ATP13A4: variants seen among roughly 807,000 people sequenced by gnomAD.
ATP13A4 encodes probable cation-transporting ATPase 13A4.
Under a neutral mutation model 142.5 loss-of-function variants are expected in ATP13A4, and 114 were observed. The ratio of observed to expected loss-of-function variants is 0.80; its 90% CI spans 0.69 to 0.93. The LOEUF (loss-of-function observed/expected upper bound fraction) is 0.93, where lower values mean the gene tolerates loss of function less well. ATP13A4 is among the 40% of genes least tolerant of loss of function. The pLI, the probability that ATP13A4 is intolerant of heterozygous loss-of-function variation, is 0.00. For synonymous variants in ATP13A4, 488 were observed against 514.8 expected, an observed-to-expected ratio of 0.95 and a Z score of 0.70; for missense variants, 1,392 against 1,454.0, an observed-to-expected ratio of 0.96 and a Z score of 0.69.
chr3:193,540,758 T>A (rs996907218), intron 1 of ATP13A4, among the ~76,000 whole-genome samples: 2 of 151,322 alleles, frequency 1.3e-5, no homozygotes, highest in Non-Finnish European at 2.9e-5. Context: ...AGAAACAACA[T>A]AAAATCATGC....
At chr3:193,444,949 C>T (rs1208746361) in intron 18 of ATP13A4, among the ~76,000 whole-genome samples, 2 of 152,172 alleles carry the variant, frequency 1.3e-5, no homozygotes, top group Admixed American at 6.5e-5. Flanking sequence ...GCTTTTTGCC[C>T]TCTACCACCT....
chr3:193,423,792 C>A lies in ATP13A4; in HGVS notation c.2843-9042G>T, dbSNP rs868032401. On this transcript the variant is annotated intron_variant, in intron 25 of 29. Transcript: ENST00000342695. ...AAGAAAAGGATGCCCACTTTTGCCA[C>A]TTCTATTCAACATAGTACTGGAAGT... is the stretch of plus-strand genomic sequence containing the variant. 1.1e-3 allele frequency among the ~76,000 whole-genome samples: 159 copies of A among 149,258 alleles called. 6 individuals are homozygous for A. Among genetic ancestry groups the A allele is most frequent in the African/African-American group, 3.9e-3 (157 of 40,752 alleles).
intron 1 of ATP13A4, among the ~76,000 whole-genome samples, chr3:193,544,481 C>A (rs1723115175): frequency 2.0e-5 from 3 of 152,112 alleles, no homozygotes. Flanking sequence ...CAACAGATAA[C>A]CCTGTCTACC....
chr3:193,585,537 T>C (rs1577091195), intron 1 of ATP13A4, among the ~76,000 whole-genome samples: 1 of 152,164 alleles, frequency 6.6e-6, no homozygotes, highest in East Asian at 1.9e-4. Flanking sequence ...ATTTTATGTG[T>C]GGCCCAAGAC....
intron 1 of ATP13A4, among the ~76,000 whole-genome samples, chr3:193,520,515 A>C (rs1211622869): frequency 1.3e-5 from 2 of 152,170 alleles, no homozygotes; most frequent in African/African-American, 4.8e-5. Context: ...GCTAAAGGTA[A>C]GACTGAGTTT....
chr3:193,540,974 G>A (rs1315710638), intron 1 of ATP13A4, among the ~76,000 whole-genome samples: 1 of 152,146 alleles, frequency 6.6e-6, no homozygotes, highest in Non-Finnish European at 1.5e-5. Context: ...ATAGGGCCGG[G>A]CGCGGTGGCT....
chr3:193,417,697 A>ATAATAAATATTAGT (rs1433680073), intron 25 of ATP13A4, among the ~76,000 whole-genome samples: 6 of 138,922 alleles, frequency 4.3e-5, no homozygotes, highest in East Asian at 2.7e-4. Context: ...TAGACAAAAA[A>ATAATAAATATTAGT]GAAATTGGCC....
intron 8 of ATP13A4, among the ~76,000 whole-genome samples, chr3:193,471,869 G>A (rs1718648348): frequency 6.6e-6 from 1 of 152,154 alleles, no homozygotes; most frequent in South Asian, 2.1e-4. Flanking sequence ...CATTCCTGCA[G>A]GGGGCTGGGT....
chr3:193,464,321 C>T lies in ATP13A4; in HGVS notation c.1461+619G>A, dbSNP rs76337991. ...ACAATGCCCTGAAAGGCATTTCCAT[C>T]TTATTCTCTCACAACTCCCACCTTC... On this transcript the variant is annotated intron_variant, in intron 12 of 29. Transcript: ENST00000342695. Among the ~76,000 whole-genome samples the T allele has an allele frequency of 4.8e-3, 737 of 152,328 alleles. 6 individuals are homozygous for T. Among genetic ancestry groups the T allele is most frequent in the African/African-American group, 0.015 (614 of 41,572 alleles).
chr3:193,560,512 C>T (rs1032815035), intron 2 of ATP13A4, among the ~76,000 whole-genome samples: 1 of 152,324 alleles, frequency 6.6e-6, no homozygotes, highest in East Asian at 1.9e-4. Flanking sequence ...CCGGCTGCTA[C>T]TCACTTTTTG....
At chr3:193,458,322 A>C (rs980132797) in intron 14 of ATP13A4, among the ~76,000 whole-genome samples, 10 of 152,176 alleles carry the variant, frequency 6.6e-5, no homozygotes, top group Admixed American at 1.3e-4. Context: ...AACTCCAGCT[A>C]TTTAGTCTTT....
rs201176581 is a variant in ATP13A4, at chr3:193,503,036, GCA to G, written c.235-399_235-398del. ...ATTAACACCCTTCCACCGGGGCGGG[GCA>G]GGGGGGGGAACTATCACTTTGTTAA... On this transcript the variant is annotated intron_variant, in intron 2 of 29. Coordinates refer to ENST00000342695, the MANE Select transcript of ATP13A4 (RefSeq NM_032279.4). Among the ~76,000 whole-genome samples, 46 of 151,596 alleles carry G rather than the reference GCA, an allele frequency of 3.0e-4. 1 individual carries two copies. The highest frequency in any genetic ancestry group is 1.1e-3 in the African/African-American group (46 of 41,048).
Position 193,423,018 on chromosome 3 carries a change from GAGGT to G in ATP13A4, c.2843-8272_2843-8269del. On this transcript the variant is annotated intron_variant, in intron 25 of 29. Coordinates refer to ENST00000342695, the MANE Select transcript of ATP13A4 (RefSeq NM_032279.4). ...GAGAAGACTAAAATAAATAAAATCA[GAGGT>G]AAAGGATACATCACAACTAATAACA... 2.0e-5 allele frequency among the ~76,000 whole-genome samples: 3 copies of G among 149,396 alleles called. 1 individual carries two copies. The Admixed American group carries it at 2.1e-4, about 10-fold the overall frequency.
chr3:193,458,051 A>T (rs1238509366), intron 14 of ATP13A4, among the ~76,000 whole-genome samples: 1 of 152,250 alleles, frequency 6.6e-6, no homozygotes, highest in Non-Finnish European at 1.5e-5. Flanking sequence ...AGAAAACTGC[A>T]ATCCCTATTT....
intron 2 of ATP13A4, among the ~76,000 whole-genome samples, chr3:193,564,233 C>G (rs1475441345): frequency 6.6e-6 from 1 of 152,226 alleles, no homozygotes; most frequent in Non-Finnish European, 1.5e-5. Flanking sequence ...CTGCTTCCAG[C>G]CTATATGCCT....
intron 25 of ATP13A4, among the ~76,000 whole-genome samples, chr3:193,425,122 A>G: frequency 7.3e-6 from 1 of 136,516 alleles, no homozygotes; most frequent in Non-Finnish European, 1.6e-5. Context: ...GTTCAACATC[A>G]TTAATATCAG....
At chr3:193,489,200 G>T (rs192600479) in intron 7 of ATP13A4, among the ~76,000 whole-genome samples, 1 of 152,152 alleles carries the variant, frequency 6.6e-6, no homozygotes, top group Non-Finnish European at 1.5e-5. Flanking sequence ...AGCCTTGTCC[G>T]GATGAGGTTG....
At chr3:193,424,929 A>G (rs1241720473) in intron 25 of ATP13A4, among the ~76,000 whole-genome samples, 1 of 149,286 alleles carries the variant, frequency 6.7e-6, no homozygotes, top group Non-Finnish European at 1.5e-5. Context: ...TATGCAGTAT[A>G]ATAAAATAGC....
At chr3:193,582,353 T>G (rs1025873035) in intron 1 of ATP13A4, among the ~76,000 whole-genome samples, 1 of 149,442 alleles carries the variant, frequency 6.7e-6, no homozygotes, top group Admixed American at 6.7e-5. Context: ...TTTACCACGT[T>G]GGCGAAGATG....
Sources: allele counts gnomAD v4.1 joint callset (sites outside exome capture counted in the v4.1 genomes callset), GRCh38; gene constraint gnomAD v4.1.1; transcripts MANE v1.5; gene names NCBI Gene and HGNC (gene_info 2026-07-23, HGNC 2026-07-21).